The following PTPN4 variants were observed in gnomAD, a reference collection of about 807,000 sequenced individuals.
PTPN4 encodes the protein protein tyrosine phosphatase non-receptor type 4.
PTPN4 carries 49 observed loss-of-function variants against 135.5 expected under a neutral mutation model. The observed-to-expected ratio is 0.36, with a 90% confidence interval of 0.29 to 0.46. The LOEUF is 0.46. Ranked by LOEUF, PTPN4 falls within the 20% of genes least tolerant of loss-of-function variation. The pLI is 1.00. For synonymous variants in PTPN4, 333 were observed against 369.9 expected (o/e 0.90, Z 1.14); for missense variants, 860 against 1,101.0 (o/e 0.78, Z 3.10).
Position 119,882,638 on chromosome 2 carries a change from G to A in PTPN4, c.587+15G>A. The A allele has an allele frequency of 6.7e-7, 1 of 1,488,128 alleles. No individual in the cohort carries two copies. The highest frequency in any genetic ancestry group is 9.1e-7 in the Non-Finnish European group (1 of 1,100,024). The allele number at this position is 1,488,128 out of a possible 1,614,324, so 92.2% of individuals were successfully genotyped here. A position where few individuals can be genotyped will look rare whatever the true frequency, so the allele number is the denominator to read the frequency against. On this transcript the variant is annotated intron_variant, in intron 8 of 26. Transcript: ENST00000263708. ...CAGCAACACATGTAAGAGTTTTTTA[G>A]TTTTTTATTTGATAAACTTCTTAAT...
At chr2:119,878,642 A>T (rs1363965975) in intron 5 of PTPN4, among the ~76,000 whole-genome samples, 1 of 149,760 alleles carries the variant, frequency 6.7e-6, no homozygotes, top group Non-Finnish European at 1.5e-5. Context: ...GAAATTCTAG[A>T]GATTTCTTTT....
chr2:119,766,454 GT>G (rs1690626419), intron 1 of PTPN4, among the ~76,000 whole-genome samples: 1 of 69,250 alleles, frequency 1.4e-5, no homozygotes, highest in African/African-American at 4.4e-5. Flanking sequence ...GCGCGCGTGT[GT>G]GTGTGTGTGT....
intron 15 of PTPN4, among the ~76,000 whole-genome samples, chr2:119,935,761 A>T (rs964221968): frequency 2.0e-5 from 3 of 152,190 alleles, no homozygotes; most frequent in Non-Finnish European, 2.9e-5. Context: ...TAATAATTAT[A>T]TATGTTCTAA....
intron 2 of PTPN4, among the ~76,000 whole-genome samples, chr2:119,856,842 A>G (rs1677688517): frequency 6.6e-6 from 1 of 152,234 alleles, no homozygotes; most frequent in East Asian, 1.9e-4. Flanking sequence ...TGAGGGTGCT[A>G]CAGTCTATAA....
At chr2:119,933,120 G>A (rs933125365) in intron 14 of PTPN4, among the ~76,000 whole-genome samples, 3 of 152,046 alleles carry the variant, frequency 2.0e-5, no homozygotes, top group Non-Finnish European at 4.4e-5. Context: ...CACAAAAGTT[G>A]TATGTTTTGG....
intron 11 of PTPN4, chr2:119,916,623 C>T (rs1678657180): frequency 6.6e-6 from 1 of 152,198 alleles, no homozygotes; most frequent in South Asian, 2.1e-4. Context: ...ACTTTACCAG[C>T]ACCCCAGATG....
chr2:119,925,926 C>A (rs1234544848), intron 12 of PTPN4, among the ~76,000 whole-genome samples: 1 of 152,098 alleles, frequency 6.6e-6, no homozygotes, highest in African/African-American at 2.4e-5. Flanking sequence ...TAGGAAAATT[C>A]AACTTGAAGT....
Position 119,940,274 on chromosome 2 carries a change from C to T in PTPN4, c.1356-4807C>T, listed in dbSNP as rs79159498. On this transcript the variant is annotated intron_variant, in intron 15 of 26. Coordinates refer to ENST00000263708, the MANE Select transcript of PTPN4 (RefSeq NM_002830.4). Reference sequence around the variant, plus strand: ...AGTGACATTTACTTTGAAACACTGTCATTATCAGAATAAAGTAGCCAAAGT... The same window carrying T: ...AGTGACATTTACTTTGAAACACTGTTATTATCAGAATAAAGTAGCCAAAGT... Among the ~76,000 whole-genome samples the T allele has an allele frequency of 2.5e-3, 383 of 152,314 alleles. 1 individual carries two copies. The highest frequency in any genetic ancestry group is 8.4e-3 in the African/African-American group (349 of 41,556).
chr2:119,925,000 T>A (rs778903117), intron 12 of PTPN4, among the ~76,000 whole-genome samples: 9 of 152,200 alleles, frequency 5.9e-5, no homozygotes, highest in Non-Finnish European at 1.2e-4. Flanking sequence ...CAGGACTCCC[T>A]GGGCTGGAGT....
At chr2:119,773,446 G>GA in intron 1 of PTPN4, among the ~76,000 whole-genome samples, 1 of 151,940 alleles carries the variant, frequency 6.6e-6, no homozygotes. Flanking sequence ...TTTCAATTAA[G>GA]AAAAAAACTG....
At chr2:119,881,631 A>G (rs879936981) in intron 5 of PTPN4, among the ~76,000 whole-genome samples, 155 bp from the exon 6 acceptor site, 22 of 152,196 alleles carry the variant, frequency 1.4e-4, no homozygotes, top group South Asian at 2.1e-4. Context: ...AGCTTATGAA[A>G]TCTTATTTTT....
chr2:119,979,693 T>C lies in PTPN4; in HGVS notation c.*2623T>C, dbSNP rs1278539671. On this transcript the variant is annotated 3_prime_UTR_variant, in exon 27 of 27. Coordinates refer to ENST00000263708, the MANE Select transcript of PTPN4 (RefSeq NM_002830.4). ...CATGTAGTTCTAGACTCCGTCCATA[T>C]CAGTGTAACATTGTGTGATAAAATG... is the stretch of plus-strand genomic sequence containing the variant. 6.6e-6 allele frequency: 1 copy of C among 152,094 alleles called. No homozygotes were observed. The highest frequency in any genetic ancestry group is 2.4e-5 in the African/African-American group (1 of 41,438). 9.4% of individuals were successfully genotyped at this position (152,094 alleles called of 1,614,324 possible). A position where few individuals can be genotyped will look rare whatever the true frequency, so the allele number is the denominator to read the frequency against.
chr2:119,867,367 G>C (rs1256828214), intron 3 of PTPN4, among the ~76,000 whole-genome samples: 1 of 152,058 alleles, frequency 6.6e-6, no homozygotes, highest in Non-Finnish European at 1.5e-5. Flanking sequence ...GAGTGCTAGA[G>C]ATAATTCAGT....
chr2:119,834,928 G>A (rs939260384), intron 2 of PTPN4, among the ~76,000 whole-genome samples: 3 of 152,138 alleles, frequency 2.0e-5, no homozygotes, highest in African/African-American at 7.2e-5. Context: ...AACTTCATTA[G>A]ATATAACTCT....
At chr2:119,801,774 T>A (rs1691377032) in intron 1 of PTPN4, among the ~76,000 whole-genome samples, 1 of 152,206 alleles carries the variant, frequency 6.6e-6, no homozygotes, top group African/African-American at 2.4e-5. Context: ...ACTTACTTAT[T>A]AGTTCTAGGA....
chr2:119,830,042 T>C (rs2104962303), intron 2 of PTPN4, among the ~76,000 whole-genome samples: 1 of 152,272 alleles, frequency 6.6e-6, no homozygotes, highest in Non-Finnish European at 1.5e-5. Context: ...ATTGTAACCA[T>C]TGTAGGTTAC....
intron 1 of PTPN4, among the ~76,000 whole-genome samples, chr2:119,766,446 G>GCT (rs1558718857): frequency 1.3e-5 from 1 of 74,350 alleles, no homozygotes; most frequent in East Asian, 5.3e-4. Context: ...GCGCATGTGC[G>GCT]CGCGTGTGTG....
intron 25 of PTPN4, 42 bp downstream of exon 25, chr2:119,965,687 A>G: frequency 1.9e-6 from 3 of 1,563,850 alleles, no homozygotes. Context: ...AGCTGAACAG[A>G]TACGTCATTT....
intron 1 of PTPN4, among the ~76,000 whole-genome samples, chr2:119,803,687 TTAA>T (rs1283451135): frequency 6.6e-6 from 1 of 152,244 alleles, no homozygotes; most frequent in East Asian, 1.9e-4. Context: ...CTATTGGTTG[TTAA>T]GTTCTCTTAT....
Sources: allele counts gnomAD v4.1 joint callset (sites outside exome capture counted in the v4.1 genomes callset), GRCh38; gene constraint gnomAD v4.1.1; transcripts MANE v1.5; gene names NCBI Gene and HGNC (gene_info 2026-07-23, HGNC 2026-07-21).